The following ESRRG variants were observed in gnomAD, a reference collection of about 807,000 sequenced individuals.
ESRRG encodes estrogen related receptor gamma.
ESRRG carries 13 observed loss-of-function variants against 44.0 expected under a neutral mutation model. The ratio of observed to expected loss-of-function variants is 0.30; its 90% CI spans 0.19 to 0.47. ESRRG has a LOEUF of 0.47. ESRRG is among the 20% of genes least tolerant of loss of function. ESRRG has a pLI of 1.00. For synonymous variants in ESRRG, 215 were observed against 214.6 expected, an observed-to-expected ratio of 1.00 and a Z score of -0.02; for missense variants, 395 against 580.6, an observed-to-expected ratio of 0.68 and a Z score of 3.29.
At chr1:217,116,702 G>A (rs1209776123) in intron 1 of ESRRG, among the ~76,000 whole-genome samples, 1 of 152,126 alleles carries the variant, frequency 6.6e-6, no homozygotes, top group Non-Finnish European at 1.5e-5. Context: ...AAGACAGTGT[G>A]GGCAAAGTTT....
chr1:217,050,199 G>T (rs1161142741), intron 1 of ESRRG, among the ~76,000 whole-genome samples: 5 of 152,138 alleles, frequency 3.3e-5, no homozygotes, highest in South Asian at 4.1e-4. Context: ...TTTGAGCTGG[G>T]GGGGTGAAAA....
intron 2 of ESRRG, among the ~76,000 whole-genome samples, chr1:216,853,158 G>T (rs901749229): frequency 2.0e-5 from 3 of 152,106 alleles, no homozygotes; most frequent in Admixed American, 2.0e-4. Context: ...TCAAGTTAAT[G>T]GTAAAAATAG....
intron 1 of ESRRG, among the ~76,000 whole-genome samples, chr1:216,695,481 C>A (rs558766822): frequency 1.3e-5 from 2 of 152,196 alleles, no homozygotes; most frequent in East Asian, 3.9e-4. Context: ...TCATGTGAGT[C>A]TATAATTATC....
chr1:217,097,195 C>G (rs1482750359), intron 1 of ESRRG, among the ~76,000 whole-genome samples: 1 of 152,078 alleles, frequency 6.6e-6, no homozygotes. Context: ...TACACTTTCA[C>G]AGACCCATGA....
chr1:217,132,164 T>A (rs1362400352), intron 1 of ESRRG, among the ~76,000 whole-genome samples: 1 of 152,188 alleles, frequency 6.6e-6, no homozygotes, highest in African/African-American at 2.4e-5. Flanking sequence ...TAATTTTATT[T>A]TTTTAATTTT....
At chr1:216,823,155 A>G (rs1292637099) in intron 2 of ESRRG, among the ~76,000 whole-genome samples, 1 of 152,080 alleles carries the variant, frequency 6.6e-6, no homozygotes, top group Non-Finnish European at 1.5e-5. Flanking sequence ...TATTCCCAAT[A>G]TCTGAAAGAA....
chr1:217,072,988 C>A (rs752582516), intron 1 of ESRRG, among the ~76,000 whole-genome samples: 2 of 151,740 alleles, frequency 1.3e-5, no homozygotes, highest in Non-Finnish European at 2.9e-5. Context: ...GTTCTCTGCC[C>A]TTGGGAAAGA....
At chr1:216,975,435 C>T (rs1023419715) in intron 1 of ESRRG, among the ~76,000 whole-genome samples, 2 of 152,184 alleles carry the variant, frequency 1.3e-5, no homozygotes, top group South Asian at 2.1e-4. Context: ...GCTAGGTGCA[C>T]GGGTTGAGCC....
At chr1:216,564,918 A>G (rs1420853813) in intron 4 of ESRRG, among the ~76,000 whole-genome samples, 1 of 152,168 alleles carries the variant, frequency 6.6e-6, no homozygotes, top group Non-Finnish European at 1.5e-5. Flanking sequence ...ATTACTGACT[A>G]TATAACTCTA....
intron 1 of ESRRG, among the ~76,000 whole-genome samples, chr1:216,978,460 T>C (rs2073364073): frequency 6.6e-6 from 1 of 152,142 alleles, no homozygotes; most frequent in Non-Finnish European, 1.5e-5. Context: ...TAGTAACTTG[T>C]TTCACACAGA....
chr1:216,941,050 A>C (rs2065144589), intron 1 of ESRRG, among the ~76,000 whole-genome samples: 1 of 152,200 alleles, frequency 6.6e-6, no homozygotes, highest in Non-Finnish European at 1.5e-5. Context: ...TACACATAAA[A>C]CTAGGATGGT....
chr1:216,783,856 T>C (rs1315816606), intron 2 of ESRRG, among the ~76,000 whole-genome samples: 2 of 152,102 alleles, frequency 1.3e-5, no homozygotes, highest in Non-Finnish European at 2.9e-5. Context: ...TTTCCCATTA[T>C]CGATTTACAA....
chr1:216,572,738 C>T (rs550330305), intron 3 of ESRRG, among the ~76,000 whole-genome samples: 2 of 151,914 alleles, frequency 1.3e-5, no homozygotes, highest in East Asian at 3.9e-4. Flanking sequence ...TTTCTTCTTA[C>T]TAAAAAGCAA....
At position 217,073,197 on chromosome 1, in the gene ESRRG, CAAAAAAAAAAAAAAAA is replaced by C. The variant is rs34950214; in HGVS notation, c.-106+16294_-106+16309del. On this transcript the variant is annotated intron_variant, in intron 1 of 7. Transcript: ENST00000359162. ...CACCTTGTCTTCATTCCTTTCTGGA[CAAAAAAAAAAAAAAAA>C]AAAAAAAAAAAAAAAATCCTCATGA... 5.7e-4 allele frequency among the ~76,000 whole-genome samples: 43 copies of C among 75,986 alleles called. 1 individual carries two copies. The highest frequency in any genetic ancestry group is 2.9e-3 in the South Asian group (6 of 2,072). The allele number at this position is 75,986 out of a possible 152,430, so 49.8% of individuals were successfully genotyped here.
chr1:216,684,960 G>A (rs958823356), intron 1 of ESRRG, among the ~76,000 whole-genome samples: 11 of 152,194 alleles, frequency 7.2e-5, no homozygotes, highest in Non-Finnish European at 1.3e-4. Flanking sequence ...CAATGGATCC[G>A]AAGAGAGAAT....
At chr1:216,853,753 T>C (rs1348437734) in intron 2 of ESRRG, among the ~76,000 whole-genome samples, 1 of 152,246 alleles carries the variant, frequency 6.6e-6, no homozygotes, top group Admixed American at 6.5e-5. Context: ...GCGAGTTGCT[T>C]TGAGTGCTGT....
At chr1:216,980,038 C>T (rs904163908) in intron 1 of ESRRG, among the ~76,000 whole-genome samples, 5 of 150,664 alleles carry the variant, frequency 3.3e-5, no homozygotes, top group Admixed American at 6.6e-5. Context: ...GCTATTTTTC[C>T]CCTTTCTTTT....
chr1:216,503,791 T>C lies in ESRRG; in HGVS notation c.*3148A>G, dbSNP rs903012038. ...ATCTGATCTGATTGAAACACAAGTG[T>C]AACTACAAGGAGTCACACAATCATA... is the stretch of plus-strand genomic sequence containing the variant. On this transcript the variant is annotated 3_prime_UTR_variant, in exon 7 of 7. Coordinates refer to ENST00000408911, the MANE Select transcript of ESRRG (RefSeq NM_001438.4). 6.6e-6 allele frequency: 1 copy of C among 152,538 alleles called. No individual in the cohort carries two copies. The highest frequency in any genetic ancestry group is 6.6e-5 in the Admixed American group (1 of 15,258). 9.4% of individuals were successfully genotyped at this position (152,538 alleles called of 1,614,324 possible). A position where few individuals can be genotyped will look rare whatever the true frequency, so the allele number is the denominator to read the frequency against.
At chr1:216,827,522 C>A (rs527399022) in intron 2 of ESRRG, among the ~76,000 whole-genome samples, 2 of 152,278 alleles carry the variant, frequency 1.3e-5, no homozygotes, top group African/African-American at 4.8e-5. Context: ...ATAATTATGA[C>A]CTATGTCTTC....
Sources: allele counts gnomAD v4.1 joint callset (sites outside exome capture counted in the v4.1 genomes callset), GRCh38; gene constraint gnomAD v4.1.1; transcripts MANE v1.5; gene names NCBI Gene and HGNC (gene_info 2026-07-23, HGNC 2026-07-21).